Variants in ACYP2 observed in about 807,000 individuals in gnomAD.
ACYP2 encodes the protein acylphosphatase-2.
ACYP2 carries 12 observed loss-of-function variants against 11.2 expected under a neutral mutation model. The ratio of observed to expected loss-of-function variants is 1.08; its 90% CI spans 0.69 to 1.74. The LOEUF is 1.74. Ranked by LOEUF, ACYP2 falls within the 40% of genes most tolerant of loss-of-function variation. ACYP2 has a pLI of 0.00. For missense variants in ACYP2, 134 were observed against 101.9 expected (o/e 1.31, Z -1.35); for synonymous variants, 43 against 32.2 (o/e 1.33, Z -1.13).
At chr2:53,988,525 C>T (rs1672132928) in intron 2 of ACYP2, among the ~76,000 whole-genome samples, 1 of 151,880 alleles carries the variant, frequency 6.6e-6, no homozygotes, top group South Asian at 2.1e-4. Context: ...CTCAGCCTCC[C>T]GAGAAGCTGG....
At chr2:54,140,874 G>T (rs1237648962) in intron 6 of ACYP2, among the ~76,000 whole-genome samples, 1 of 152,034 alleles carries the variant, frequency 6.6e-6, no homozygotes, top group Admixed American at 6.6e-5. Context: ...GGTTGAAGTG[G>T]CTATGTATTT....
intron 6 of ACYP2, chr2:54,142,358 T>C (rs146274969): frequency 6.5e-6 from 1 of 153,444 alleles, no homozygotes; most frequent in East Asian, 1.9e-4. Flanking sequence ...TTTTACCTAA[T>C]GTCCATTTTA....
intron 2 of ACYP2, among the ~76,000 whole-genome samples, chr2:54,001,357 G>A (rs1236718738): frequency 6.6e-6 from 1 of 152,020 alleles, no homozygotes; most frequent in East Asian, 1.9e-4. Context: ...AACATAGTGA[G>A]ACCTCGTCTC....
chr2:54,144,251 G>T (rs967381728), intron 6 of ACYP2, among the ~76,000 whole-genome samples: 7 of 152,088 alleles, frequency 4.6e-5, no homozygotes, highest in African/African-American at 1.7e-4. Flanking sequence ...AGGATTACAG[G>T]TGTGAGCCAC....
At chr2:54,063,692 TG>T (rs1327263254) in intron 4 of ACYP2, among the ~76,000 whole-genome samples, 1 of 152,382 alleles carries the variant, frequency 6.6e-6, no homozygotes, top group African/African-American at 2.4e-5. Flanking sequence ...GGATTCCTGC[TG>T]TTGCTAGTTC....
intron 6 of ACYP2, among the ~76,000 whole-genome samples, chr2:54,230,783 G>C (rs1049830691): frequency 2.0e-5 from 3 of 150,912 alleles, no homozygotes; most frequent in Non-Finnish European, 2.9e-5. Flanking sequence ...GCCCCGCTTT[G>C]AGTTGTCCCA....
At chr2:54,287,407 A>T (rs1341010760) in intron 6 of ACYP2, among the ~76,000 whole-genome samples, 1 of 151,970 alleles carries the variant, frequency 6.6e-6, no homozygotes, top group African/African-American at 2.4e-5. Flanking sequence ...AAATTTTACC[A>T]TATGAAATTT....
rs58390248 is a variant in ACYP2 at position 54,114,380 on chromosome 2, CAAAAA to C, written c.278-21056_278-21052del. On this transcript the variant is annotated intron_variant, in intron 4 of 6. Coordinates refer to ENST00000607452, the MANE Select transcript of ACYP2 (RefSeq NM_001320586.2). ...TGTTGCTGAGAATAATCAAGACAATCAAAAAAAAAAAAAAAAAAAAAGGTCGGGTG... is the reference window on the plus strand; with the variant it reads ...TGTTGCTGAGAATAATCAAGACAATCAAAAAAAAAAAAAAAAGGTCGGGTG... 9.2e-4 allele frequency among the ~76,000 whole-genome samples: 96 copies of C among 104,382 alleles called. 1 individual carries two copies. The South Asian group carries it at 0.013, about 14-fold the overall frequency. The allele number at this position is 104,382 out of a possible 152,430, so 68.5% of individuals were successfully genotyped here. A position where few individuals can be genotyped will look rare whatever the true frequency, so the allele number is the denominator to read the frequency against.
chr2:54,287,568 C>T (rs1360337511), intron 6 of ACYP2, among the ~76,000 whole-genome samples: 4 of 151,968 alleles, frequency 2.6e-5, no homozygotes, highest in Non-Finnish European at 5.9e-5. Context: ...AGTACAGTTT[C>T]TGCCTGGCTC....
At position 54,201,615 on chromosome 2, in the gene ACYP2, TCTTTCTTTGTTTCTTTCTTTC is replaced by T. The variant is rs1558608572; in HGVS notation, c.404+62868_404+62888del. ...CTTTCTCTTTCTTTCTTTCTTTCTTTCTTTCTTTGTTTCTTTCTTTCTCTTTCTTTCTTTCTTTCTTTCTTT... is the reference window on the plus strand; with the variant it reads ...CTTTCTCTTTCTTTCTTTCTTTCTTTTCTTTCTTTCTTTCTTTCTTTCTTT... On this transcript the variant is annotated intron_variant, in intron 6 of 6. Transcript: ENST00000607452. 5.5e-4 allele frequency among the ~76,000 whole-genome samples: 43 copies of T among 78,686 alleles called. 1 individual carries two copies. Among genetic ancestry groups the T allele is most frequent in the African/African-American group, 1.8e-3 (39 of 21,246 alleles). The allele number at this position is 78,686 out of a possible 152,430, so 51.6% of individuals were successfully genotyped here. A position where few individuals can be genotyped will look rare whatever the true frequency, so the allele number is the denominator to read the frequency against.
chr2:54,160,543 C>G (rs760936395), intron 6 of ACYP2, among the ~76,000 whole-genome samples: 4 of 152,204 alleles, frequency 2.6e-5, no homozygotes, highest in Non-Finnish European at 4.4e-5. Flanking sequence ...TTCCCAGTGC[C>G]TTGCACAGTA....
intron 6 of ACYP2, among the ~76,000 whole-genome samples, chr2:54,300,099 A>G (rs13396318): frequency 0.013 from 1,909 of 152,222 alleles, 43 homozygotes; most frequent in African/African-American, 0.044. Context: ...TTGCTCTCCA[A>G]TTTTTAAAAT....
intron 4 of ACYP2, among the ~76,000 whole-genome samples, chr2:54,058,600 A>G (rs1423260219): frequency 6.6e-6 from 1 of 152,050 alleles, no homozygotes; most frequent in African/African-American, 2.4e-5. Flanking sequence ...CTTATCCTTC[A>G]TTGTACCACC....
chr2:54,231,771 G>C (rs974217003), intron 6 of ACYP2, among the ~76,000 whole-genome samples: 31 of 152,182 alleles, frequency 2.0e-4, no homozygotes, highest in African/African-American at 7.2e-4. Flanking sequence ...AAATGCTTTT[G>C]ATGTAAGAGT....
chr2:54,164,426 G>A (rs150744864), intron 6 of ACYP2, among the ~76,000 whole-genome samples: 5 of 152,172 alleles, frequency 3.3e-5, no homozygotes, highest in Non-Finnish European at 7.3e-5. Flanking sequence ...TTTAGGAGGA[G>A]TCATTAATGG....
chr2:54,107,335 A>G (rs778096574), intron 4 of ACYP2, among the ~76,000 whole-genome samples: 1 of 152,196 alleles, frequency 6.6e-6, no homozygotes, highest in Non-Finnish European at 1.5e-5. Context: ...TTCAACAGCA[A>G]TTTATTTTTC....
chr2:54,118,848 A>G (rs781203924), intron 4 of ACYP2, among the ~76,000 whole-genome samples: 1 of 152,174 alleles, frequency 6.6e-6, no homozygotes, highest in Non-Finnish European at 1.5e-5. Flanking sequence ...ACATATTTAC[A>G]TACATCTACA....
intron 6 of ACYP2, among the ~76,000 whole-genome samples, chr2:54,159,954 G>A (rs549285219): frequency 4.6e-5 from 7 of 152,116 alleles, no homozygotes; most frequent in Non-Finnish European, 1.0e-4. Flanking sequence ...TTCCCCACTT[G>A]CTGTGTTGTA....
At chr2:54,032,429 TG>T (rs1374746556) in intron 2 of ACYP2, among the ~76,000 whole-genome samples, 1 of 152,226 alleles carries the variant, frequency 6.6e-6, no homozygotes, top group Non-Finnish European at 1.5e-5. Flanking sequence ...AAAGATCAGA[TG>T]GTTGTAGATG....
Sources: gnomAD v4.1 joint callset for allele counts (sites outside exome capture counted in the v4.1 genomes callset) on GRCh38, gnomAD v4.1.1 for gene constraint, MANE v1.5 for transcripts, NCBI Gene and HGNC (gene_info 2026-07-23, HGNC 2026-07-21) for gene names.